Variants in ANKRD31 observed in about 807,000 individuals in gnomAD.
The protein encoded by ANKRD31 is ankyrin repeat domain 31, also known as ankyrin repeat domain-containing protein 31.
In ANKRD31, 147 loss-of-function variants were observed where a neutral mutation model predicts 186.0. The observed-to-expected ratio is 0.79, with a 90% CI of 0.69 to 0.91. ANKRD31 has a LOEUF of 0.91. Among genes scored for constraint, ANKRD31 ranks in the 40% least tolerant of loss-of-function variants. The probability of loss-of-function intolerance (pLI) is 0.00; values close to 1 mark genes in which losing one functional copy is unlikely to be tolerated. For synonymous variants in ANKRD31, 673 were observed against 736.4 expected, an observed-to-expected ratio of 0.91 and a Z score of 1.39; for missense variants, 1,986 against 2,148.8, an observed-to-expected ratio of 0.92 and a Z score of 1.50.
At chr5:75,218,068 G>A (rs1323217917) in intron 3 of ANKRD31, among the ~76,000 whole-genome samples, 1 of 152,086 alleles carries the variant, frequency 6.6e-6, no homozygotes, top group Non-Finnish European at 1.5e-5. Context: ...CTCAAAGCTG[G>A]TAGAAGAGAA....
chr5:75,188,642 AT>A lies in ANKRD31; in HGVS notation c.1414del (p.Met472Ter), dbSNP rs1234144138. 2.0e-6 allele frequency: 3 copies of A among 1,527,034 alleles called. No homozygotes were observed. The Admixed American group carries it at 6.2e-5, about 31-fold the overall frequency. The allele number at this position is 1,527,034 out of a possible 1,614,324, so 94.6% of individuals were successfully genotyped here. ...NEQFSGKKEK[M>X]KVNKISLHSI... ...ATGAAGAGATATTTTGTTCACCTTC[AT>A]TTTTTCTGAAATGAGGGAATGAACA... On this transcript the variant is annotated frameshift_variant, in exon 10 of 26. Coordinates refer to ENST00000506364, the MANE Select transcript of ANKRD31 (RefSeq NM_001372053.1). LOFTEE classifies it high-confidence loss of function.
At chr5:75,179,961 C>T (rs1489510089) in intron 10 of ANKRD31, among the ~76,000 whole-genome samples, 2 of 152,182 alleles carry the variant, frequency 1.3e-5, no homozygotes, top group Non-Finnish European at 2.9e-5. Flanking sequence ...TTTCAGATGA[C>T]ATGATTGTAT....
intron 25 of ANKRD31, among the ~76,000 whole-genome samples, 164 bp downstream of exon 25, chr5:75,080,404 A>G (rs571943744): frequency 1.3e-5 from 2 of 152,354 alleles, no homozygotes; most frequent in South Asian, 4.1e-4. Context: ...GAAATCAAAG[A>G]TCTTCTTAGT....
At chr5:75,169,955 G>C (rs1019530550) in intron 10 of ANKRD31, among the ~76,000 whole-genome samples, 4 of 152,048 alleles carry the variant, frequency 2.6e-5, no homozygotes, top group Non-Finnish European at 5.9e-5. Flanking sequence ...GGAGGGGGTG[G>C]GAGCAAAAGC....
intron 17 of ANKRD31, among the ~76,000 whole-genome samples, chr5:75,128,785 A>G (rs1287450279): frequency 6.6e-6 from 1 of 151,466 alleles, no homozygotes; most frequent in African/African-American, 2.4e-5. Flanking sequence ...AAGTACTGGG[A>G]TTACAGGCAT....
intron 10 of ANKRD31, among the ~76,000 whole-genome samples, chr5:75,175,902 A>C (rs1382089024): frequency 1.3e-5 from 2 of 152,094 alleles, no homozygotes; most frequent in Admixed American, 1.3e-4. Context: ...CAGTGGGTGT[A>C]GTGCACCATG....
intron 3 of ANKRD31, among the ~76,000 whole-genome samples, chr5:75,211,804 A>G (rs1390742408): frequency 6.6e-6 from 1 of 151,860 alleles, no homozygotes; most frequent in East Asian, 1.9e-4. Context: ...TGAAATGTCT[A>G]TTTGAGCCCT....
At chr5:75,233,891 T>C (rs1238175379) in intron 1 of ANKRD31, among the ~76,000 whole-genome samples, 2 of 152,120 alleles carry the variant, frequency 1.3e-5, no homozygotes, top group South Asian at 2.1e-4. Flanking sequence ...CACTCCAGCC[T>C]GGGTGATAGA....
At chr5:75,104,098 C>T (rs772072658) in intron 22 of ANKRD31, 130 bp downstream of exon 22, 8 of 673,268 alleles carry the variant, frequency 1.2e-5, no homozygotes, top group African/African-American at 1.8e-5. Flanking sequence ...ATGGTTGTGT[C>T]CCTCCATTCA....
intron 5 of ANKRD31, among the ~76,000 whole-genome samples, chr5:75,203,541 T>C (rs1034927209): frequency 6.6e-6 from 1 of 151,614 alleles, no homozygotes; most frequent in African/African-American, 2.4e-5. Flanking sequence ...CACGTGCCTA[T>C]AATCCCAGCT....
At chr5:75,140,437 C>G (rs531471088) in intron 15 of ANKRD31, among the ~76,000 whole-genome samples, 1 of 152,040 alleles carries the variant, frequency 6.6e-6, no homozygotes, top group East Asian at 1.9e-4. Context: ...TCAGTGGTAT[C>G]GGCACCATGG....
At chr5:75,103,441 C>T (rs1236806260) in intron 22 of ANKRD31, among the ~76,000 whole-genome samples, 4 of 152,148 alleles carry the variant, frequency 2.6e-5, no homozygotes, top group Admixed American at 1.3e-4. Flanking sequence ...GACAGTGTAG[C>T]GATTCCTCAA....
chr5:75,108,678 G>T (rs763896233), intron 20 of ANKRD31, among the ~76,000 whole-genome samples: 7 of 152,042 alleles, frequency 4.6e-5, no homozygotes, highest in Non-Finnish European at 7.4e-5. Flanking sequence ...ACATGATTTG[G>T]TAAGTATTGA....
Position 75,104,356 on chromosome 5 carries a change from G to C in ANKRD31, c.5203C>G (p.Gln1735Glu). Residue 1735 changes from glutamine to glutamate, a missense_variant, in exon 22 of 26, where the codon CAA becomes GAA. Gln to Glu is a conservative substitution (Grantham distance 29). Coordinates refer to ENST00000506364, the MANE Select transcript of ANKRD31 (RefSeq NM_001372053.1). ...AAAGCCTTTTTTATTGTATCTTGTT[G>C]CCCAGATCCAGAGGAAGAGGAGATC... ...SQISSSSGSG[Q>E]QDTIKKALNY... The C allele has an allele frequency of 6.5e-7, 1 of 1,536,704 alleles. No homozygotes were observed. The highest frequency in any genetic ancestry group is 1.4e-5 in the African/African-American group (1 of 73,024).
chr5:75,136,345 T>C lies in ANKRD31; in HGVS notation c.3876+1511A>G, dbSNP rs866323599. ...AAAATCAAACAACCCCATGAAAAAG[T>C]GGGTGAAGGATATGAACAGACACTT... On this transcript the variant is annotated intron_variant, in intron 17 of 25. Coordinates refer to ENST00000506364, the MANE Select transcript of ANKRD31 (RefSeq NM_001372053.1). Among the ~76,000 whole-genome samples, 228 of 151,968 alleles carry C rather than the reference T, an allele frequency of 1.5e-3. 1 individual carries two copies. Among genetic ancestry groups the C allele is most frequent in the African/African-American group, 5.4e-3 (223 of 41,416 alleles).
At chr5:75,087,903 C>CT (rs1213439264) in intron 23 of ANKRD31, among the ~76,000 whole-genome samples, 6 of 152,140 alleles carry the variant, frequency 3.9e-5, no homozygotes, top group Non-Finnish European at 8.8e-5. Context: ...ATTCCAGACT[C>CT]TTTTTTCATA....
At chr5:75,133,786 A>G (rs71539114) in intron 17 of ANKRD31, among the ~76,000 whole-genome samples, 49 of 152,128 alleles carry the variant, frequency 3.2e-4, no homozygotes, top group Non-Finnish European at 5.9e-4. Context: ...CTCAGCAAAT[A>G]TAAAAGAACG....
chr5:75,130,737 C>T (rs562604603), intron 17 of ANKRD31, among the ~76,000 whole-genome samples: 51 of 152,240 alleles, frequency 3.3e-4, no homozygotes, highest in African/African-American at 1.2e-3. Flanking sequence ...AAAAGTTCTC[C>T]GGGTCCCCAC....
In ANKRD31 at chr5:75,147,428, T is replaced by A; in HGVS notation, c.1983A>T (p.Val661=). 6.6e-7 allele frequency: 1 copy of A among 1,518,092 alleles called. No homozygotes were observed. Among genetic ancestry groups the A allele is most frequent in the East Asian group, 2.5e-5 (1 of 40,754 alleles). The allele number at this position is 1,518,092 out of a possible 1,614,324, so 94.0% of individuals were successfully genotyped here. ...TCGCTTTGCTTCCTTTATTGACTTT[T>A]ACATGTTCCAGCTTCTGTCTGTTGG... The part of the protein sequence containing the change: ...ENSNRQKLEH[V]KVNKGSKASL... The change falls in exon 14 of 26, where the codon GTA becomes GTT. Residue 661 remains valine (V), a synonymous_variant. Coordinates refer to ENST00000506364, the MANE Select transcript of ANKRD31 (RefSeq NM_001372053.1).
Sources: allele counts gnomAD v4.1 joint callset (sites outside exome capture counted in the v4.1 genomes callset), GRCh38; gene constraint gnomAD v4.1.1; transcripts MANE v1.5; gene names NCBI Gene and HGNC (gene_info 2026-07-23, HGNC 2026-07-21).